SNED1: variants seen among roughly 807,000 people sequenced by gnomAD.
SNED1 encodes sushi, nidogen and EGF-like domain-containing protein 1.
A neutral mutation model predicts 166.7 loss-of-function variants in SNED1; 81 were observed. The ratio of observed to expected loss-of-function variants is 0.49; its 90% CI spans 0.41 to 0.58. The LOEUF is 0.58. Among genes scored for constraint, SNED1 ranks in the 20% least tolerant of loss-of-function variants. SNED1 has a pLI of 0.00. For missense variants in SNED1, 1,604 were observed against 2,000.2 expected (o/e 0.80, Z 3.78); for synonymous variants, 762 against 822.0 (o/e 0.93, Z 1.25).
intron 12 of SNED1, 87 bp downstream of exon 12, chr2:241,050,020 C>A: frequency 1.0e-6 from 1 of 993,830 alleles, no homozygotes; most frequent in Non-Finnish European, 1.6e-6. Context: ...TGTCTCTCTC[C>A]TTGTTTCGCG....
rs1200448213 is a variant in SNED1, at chr2:241,087,540, CG to C, written c.4205+69del. 2.0e-6 allele frequency: 3 copies of C among 1,533,708 alleles called. No individual in the cohort carries two copies. In the Admixed American group the frequency reaches 6.2e-5, roughly 32 times the overall value. On this transcript the variant is annotated intron_variant, in intron 30 of 31. Coordinates refer to ENST00000310397, the MANE Select transcript of SNED1 (RefSeq NM_001080437.3). ...AGCCCACAGGGTGATGGGGCAAGGGCGGGGTGCTATGGGATGCTGCAGGCCT... is the reference window on the plus strand; with the variant it reads ...AGCCCACAGGGTGATGGGGCAAGGGCGGGTGCTATGGGATGCTGCAGGCCT...
chr2:241,049,892 G>A lies in SNED1; in HGVS notation c.1694G>A (p.Cys565Tyr). 6.2e-7 allele frequency: 1 copy of A among 1,613,826 alleles called. No individual in the cohort carries two copies. The highest frequency in any genetic ancestry group is 8.5e-7 in the Non-Finnish European group (1 of 1,179,782). The change falls in exon 12 of 32, where the codon TGC (cysteine) becomes TAC (tyrosine). Residue 565 changes from cysteine (C) to tyrosine (Y), a missense_variant. This residue lies in a region of SNED1 where 1,237 missense variants were observed against 1,620.8 expected (regional missense o/e 0.76). Transcript: ENST00000310397. ...SCDAHDDSYTCECPRGFHGKH... is the reference protein window; with the variant it reads ...SCDAHDDSYTYECPRGFHGKH... Reference sequence around the variant, plus strand: ...GATGCCCATGACGACTCCTACACCTGCGAGTGCCCGCGCGGGTTCCACGGC... The same window carrying A: ...GATGCCCATGACGACTCCTACACCTACGAGTGCCCGCGCGGGTTCCACGGC...
rs752628722 is a variant in SNED1, at chr2:241,040,280, G to A, written c.1160-20G>A. On this transcript the variant is annotated intron_variant, in intron 7 of 31. Transcript: ENST00000310397. ...TTGTGGCCTGGCTCAAGCCAAGCCCGCACCTCTGCTGCCCCTCAGATGTGG... is the reference window on the plus strand; with the variant it reads ...TTGTGGCCTGGCTCAAGCCAAGCCCACACCTCTGCTGCCCCTCAGATGTGG... 1.2e-5 allele frequency: 19 copies of A among 1,583,974 alleles called. No individual in the cohort carries two copies. Among genetic ancestry groups the A allele is most frequent in the Middle Eastern group, 3.3e-4 (2 of 6,020 alleles).
intron 31 of SNED1, chr2:241,089,502 T>C: frequency 7.0e-7 from 1 of 1,432,554 alleles, no homozygotes; most frequent in Non-Finnish European, 9.4e-7. Flanking sequence ...GGGCCGGAGC[T>C]CCGCACATGG....
chr2:241,063,609 C>G lies in SNED1; in HGVS notation c.2394C>G (p.His798Gln), dbSNP rs2062315200. ...CAGAGAGGGATGAGTGCCGAGCTCA[C>G]CCGTGCAGAAATGGAGGGTCCTGCA... ...CELERDECRA[H>Q]PCRNGGSCRN... Residue 798 changes from histidine to glutamine, a missense_variant, in exon 18 of 32, where the codon CAC (histidine) becomes CAG (glutamine). By Grantham distance (24) the His-to-Gln change is conservative. Around this residue, in one of 2 missense-constraint regions of SNED1, gnomAD observed 1,237 missense variants for 1,620.8 expected, o/e 0.76. Coordinates refer to ENST00000310397, the MANE Select transcript of SNED1 (RefSeq NM_001080437.3). 2 of 1,610,668 alleles carry G rather than the reference C, an allele frequency of 1.2e-6. No individual in the cohort carries two copies. The highest frequency in any genetic ancestry group is 2.7e-5 in the African/African-American group (2 of 74,894).
chr2:241,048,983 A>G (rs2061747111), intron 10 of SNED1, 39 bp from the exon 11 acceptor site: 1 of 1,534,238 alleles, frequency 6.5e-7, no homozygotes, highest in Non-Finnish European at 8.9e-7. Context: ...GCTGGAAGAC[A>G]TGTGGAATAT....
chr2:241,053,101 G>A, intron 15 of SNED1, 52 bp from the exon 16 acceptor site: 1 of 1,549,624 alleles, frequency 6.5e-7, no homozygotes, highest in Non-Finnish European at 8.7e-7. Context: ...GGGCGGTGGG[G>A]AGGGGCCAGG....
chr2:240,998,991 G>T lies in SNED1; in HGVS notation c.154G>T (p.Gly52Trp). 7.5e-7 allele frequency: 1 copy of T among 1,329,068 alleles called. No individual in the cohort carries two copies. Among genetic ancestry groups the T allele is most frequent in the Non-Finnish European group, 9.7e-7 (1 of 1,036,038 alleles). 82.3% of individuals were successfully genotyped at this position (1,329,068 alleles called of 1,614,324 possible). ...VTPKQDDGGS[G>W]LRPLSVPFPF... Reference sequence around the variant, plus strand: ...CCCCAAGCAGGACGACGGCGGCTCGGGGCTGCGGCCGCTCTCGGTGCCCTT... The same window carrying T: ...CCCCAAGCAGGACGACGGCGGCTCGTGGCTGCGGCCGCTCTCGGTGCCCTT... Residue 52 changes from glycine to tryptophan, a missense_variant, in exon 1 of 32, where the codon GGG becomes TGG. Transcript: ENST00000310397.
intron 8 of SNED1, among the ~76,000 whole-genome samples, chr2:241,043,038 A>G (rs757225813): frequency 2.0e-5 from 3 of 151,468 alleles, no homozygotes; most frequent in Non-Finnish European, 2.9e-5. Flanking sequence ...ATGGAGAACA[A>G]TATTAAGCAG....
intron 1 of SNED1, among the ~76,000 whole-genome samples, chr2:241,000,335 A>G (rs1414798147): frequency 2.0e-5 from 3 of 152,192 alleles, no homozygotes; most frequent in Non-Finnish European, 2.9e-5. Context: ...CGGTGGCAGC[A>G]CTGGGTGACC....
At chr2:241,002,590 TGA>T (rs1326849580) in intron 1 of SNED1, among the ~76,000 whole-genome samples, 44 of 151,584 alleles carry the variant, frequency 2.9e-4, no homozygotes, top group African/African-American at 9.9e-4. Context: ...GATGCTGGAG[TGA>T]GAGAGCCTGA....
chr2:241,039,801 G>T (rs1345058188), intron 6 of SNED1, among the ~76,000 whole-genome samples: 1 of 152,122 alleles, frequency 6.6e-6, no homozygotes, highest in Non-Finnish European at 1.5e-5. Context: ...TGATTTCCAT[G>T]CACCCCCATT....
intron 2 of SNED1, among the ~76,000 whole-genome samples, chr2:241,032,377 A>C (rs1347370290): frequency 6.6e-6 from 1 of 151,548 alleles, no homozygotes; most frequent in Non-Finnish European, 1.5e-5. Flanking sequence ...CTACACGTTC[A>C]TACTCGGAGC....
In SNED1 at chr2:241,069,841, T is replaced by C; in HGVS notation, c.3308-79T>C. 5 of 1,509,614 alleles carry C rather than the reference T, an allele frequency of 3.3e-6. No individual in the cohort carries two copies. Among genetic ancestry groups the C allele is most frequent in the East Asian group, 2.3e-5 (1 of 44,184 alleles). 93.5% of individuals were successfully genotyped at this position (1,509,614 alleles called of 1,614,324 possible). On this transcript the variant is annotated intron_variant, in intron 23 of 31. Coordinates refer to ENST00000310397, the MANE Select transcript of SNED1 (RefSeq NM_001080437.3). The surrounding 1 kb of genome is among the most constrained non-coding windows in gnomAD (Gnocchi z 4.9). ...CTTCCAGCAAGGCTGCGGCAGCCCA[T>C]GTCCGGTTCTCAAACCGTGTTCTTG...
upstream of SNED1, among the ~76,000 whole-genome samples, chr2:240,998,617 T>TGGCCCCGAACGC (rs2059983637): frequency 6.6e-6 from 1 of 151,658 alleles, no homozygotes; most frequent in African/African-American, 2.4e-5. Context: ...GGGGCGGGGC[T>TGGCCCCGAACGC]GGCCCCGAAC....
chr2:241,001,112 C>T (rs906039379), intron 1 of SNED1, among the ~76,000 whole-genome samples: 3 of 152,238 alleles, frequency 2.0e-5, no homozygotes, highest in African/African-American at 7.2e-5. Context: ...ATAGGGGCCT[C>T]GTGTCTGCTG....
chr2:241,033,843 A>T lies in SNED1; in HGVS notation c.610A>T (p.Asn204Tyr). ...TTGTHASSGG[N>Y]ATGLGGIAAQ... ...AGGCACACACGCCAGCAGCGGGGGC[A>T]ACGCCACTGGCCTCGGGGGCATCGC... is the stretch of plus-strand genomic sequence containing the variant. Residue 204 changes from asparagine to tyrosine, a missense_variant, in exon 3 of 32, where the codon AAC becomes TAC. Physicochemically the swap from Asn to Tyr is moderately radical, Grantham distance 143 (BLOSUM62 -2). This residue lies in a region of SNED1 where 1,237 missense variants were observed against 1,620.8 expected (regional missense o/e 0.76). Transcript: ENST00000310397. 6.2e-7 allele frequency: 1 copy of T among 1,608,366 alleles called. No individual in the cohort carries two copies. The highest frequency in any genetic ancestry group is 8.5e-7 in the Non-Finnish European group (1 of 1,178,170).
In SNED1 at chr2:241,030,434, A is replaced by G; in HGVS notation, c.364A>G (p.Thr122Ala). 2 of 1,613,394 alleles carry G rather than the reference A, an allele frequency of 1.2e-6. No individual in the cohort carries two copies. Among genetic ancestry groups the G allele is most frequent in the African/African-American group, 2.7e-5 (2 of 75,012 alleles). Reference protein sequence around the residue: ...RAGDVYYREATDPAMLRRATE... With the variant: ...RAGDVYYREAADPAMLRRATE... Reference sequence around the variant, plus strand: ...AGGCGACGTGTACTACCGGGAGGCCACCGACCCAGCCATGCTGCGCCGAGC... The same window carrying G: ...AGGCGACGTGTACTACCGGGAGGCCGCCGACCCAGCCATGCTGCGCCGAGC... Residue 122 changes from threonine (T) to alanine (A), a missense_variant, in exon 2 of 32, where the codon ACC becomes GCC. By Grantham distance (58) the Thr-to-Ala change is moderately conservative (BLOSUM62 0). Transcript: ENST00000310397.
intron 1 of SNED1, chr2:241,015,552 T>G (rs897078773): frequency 3.3e-5 from 5 of 153,006 alleles, no homozygotes; most frequent in African/African-American, 1.2e-4. Flanking sequence ...ACAGCAGCAG[T>G]GGGGCTCCTT....
Sources: gnomAD v4.1 joint callset for allele counts (sites outside exome capture counted in the v4.1 genomes callset) on GRCh38, gnomAD v4.1.1 for gene constraint, gnomAD v4.1.1 regional missense constraint, Gnocchi (gnomAD v3.1) non-coding constraint, MANE v1.5 for transcripts, NCBI Gene and HGNC (gene_info 2026-07-23, HGNC 2026-07-21) for gene names.